The following CHST15 variants were observed in gnomAD, a reference collection of about 807,000 sequenced individuals.
The protein encoded by CHST15 is B cell RAG associated protein (GALNAC4S-6ST).
A neutral mutation model predicts 53.6 loss-of-function variants in CHST15; 30 were observed. That is an observed-to-expected ratio of 0.56 (90% CI 0.42 to 0.76). The LOEUF (loss-of-function observed/expected upper bound fraction) is 0.76, where lower values mean the gene tolerates loss of function less well. Ranked by LOEUF, CHST15 falls within the 30% of genes least tolerant of loss-of-function variation. The probability of loss-of-function intolerance (pLI) is 0.00; values close to 1 mark genes in which losing one functional copy is unlikely to be tolerated. For missense variants in CHST15, 627 were observed against 740.5 expected, an observed-to-expected ratio of 0.85 and a Z score of 1.78; for synonymous variants, 296 against 289.8, an observed-to-expected ratio of 1.02 and a Z score of -0.22.
chr10:124,078,012 C>T (rs937644614), intron 1 of CHST15, among the ~76,000 whole-genome samples: 1 of 152,324 alleles, frequency 6.6e-6, no homozygotes, highest in Non-Finnish European at 1.5e-5. Flanking sequence ...CTACAAGGGG[C>T]AAGGTACAAA....
intron 7 of CHST15, chr10:124,010,957 C>T: frequency 2.6e-5 from 26 of 985,416 alleles, no homozygotes; most frequent in Non-Finnish European, 3.0e-5. Context: ...CTGTCAGTCA[C>T]CCCCACGCCC....
intron 3 of CHST15, 81 bp downstream of exon 3, chr10:124,044,499 C>T (rs1236348218): frequency 4.1e-6 from 5 of 1,220,270 alleles, no homozygotes; most frequent in Non-Finnish European, 5.5e-6. Context: ...CCTCGCCCCC[C>T]AACCCCAGCG....
intron 1 of CHST15, among the ~76,000 whole-genome samples, chr10:124,089,865 A>T (rs1949552859): frequency 1.3e-5 from 2 of 152,148 alleles, no homozygotes; most frequent in Admixed American, 1.3e-4. Context: ...CCGCCAAATC[A>T]TCCCAGAGGC....
Position 124,042,295 on chromosome 10 carries a change from C to T in CHST15, c.1033+6G>A, listed in dbSNP as rs1016295713. On this transcript the variant is annotated splice_donor_region_variant and intron_variant, in intron 4 of 7. Transcript: ENST00000435907. ...TAGCCCTGCCAGAGTGACACAGACGCCTTACCGATAATGATTGTATTCATC... is the reference window on the plus strand; with the variant it reads ...TAGCCCTGCCAGAGTGACACAGACGTCTTACCGATAATGATTGTATTCATC... 2 of 1,606,596 alleles carry T rather than the reference C, an allele frequency of 1.2e-6. No homozygotes were observed. Among genetic ancestry groups the T allele is most frequent in the Non-Finnish European group, 1.7e-6 (2 of 1,173,684 alleles).
At chr10:124,044,326 T>C (rs997909187) in intron 3 of CHST15, among the ~76,000 whole-genome samples, 1 of 152,174 alleles carries the variant, frequency 6.6e-6, no homozygotes, top group Non-Finnish European at 1.5e-5. Flanking sequence ...GTGCCCGGGC[T>C]TTCGGAACAA....
chr10:124,033,178 G>T (rs1947293308), intron 5 of CHST15, among the ~76,000 whole-genome samples: 1 of 152,234 alleles, frequency 6.6e-6, no homozygotes, highest in Admixed American at 6.5e-5. Flanking sequence ...CTTTCTGGCT[G>T]AGATGGGAAA....
At chr10:124,088,832 A>G (rs902887048) in intron 1 of CHST15, among the ~76,000 whole-genome samples, 3 of 152,208 alleles carry the variant, frequency 2.0e-5, no homozygotes, top group African/African-American at 4.8e-5. Context: ...ATGGACACAA[A>G]ACCTTTCTCC....
chr10:124,057,432 T>C (rs1353073178), intron 1 of CHST15, among the ~76,000 whole-genome samples: 1 of 152,112 alleles, frequency 6.6e-6, no homozygotes, highest in East Asian at 1.9e-4. Context: ...AAACACCTAC[T>C]ATGTGCAGGG....
At chr10:124,073,574 C>A (rs1272378000) in intron 1 of CHST15, among the ~76,000 whole-genome samples, 2 of 152,122 alleles carry the variant, frequency 1.3e-5, no homozygotes, top group Admixed American at 6.5e-5. Flanking sequence ...TACTCCAATT[C>A]CTTAAAAGTT....
intron 3 of CHST15, among the ~76,000 whole-genome samples, chr10:124,042,994 A>T (rs2133987015): frequency 6.6e-6 from 1 of 152,302 alleles, no homozygotes; most frequent in South Asian, 2.1e-4. Context: ...TTGTCCAAAC[A>T]GTAAGGGGAA....
At chr10:124,077,234 C>T (rs1057119083) in intron 1 of CHST15, among the ~76,000 whole-genome samples, 37 of 152,210 alleles carry the variant, frequency 2.4e-4, no homozygotes, top group African/African-American at 8.7e-4. Flanking sequence ...TGAGCAGAGA[C>T]CTTTCCTGGG....
At position 124,017,100 on chromosome 10, in the gene CHST15, C is replaced by T. The variant is rs555574711; in HGVS notation, c.1347+4156G>A. Among the ~76,000 whole-genome samples the T allele has an allele frequency of 3.9e-5, 6 of 152,196 alleles. No individual in the cohort carries two copies. In the East Asian group the frequency reaches 7.8e-4, roughly 20 times the overall value. On this transcript the variant is annotated intron_variant, in intron 6 of 7. Transcript: ENST00000435907. Reference sequence around the variant, plus strand: ...AGTGCCCGGTAGCAAGCAGACTGTACGTGCATATTAGATATTAGCTCTTCT... The same window carrying T: ...AGTGCCCGGTAGCAAGCAGACTGTATGTGCATATTAGATATTAGCTCTTCT...
At chr10:124,048,241 C>T (rs951902821) in intron 1 of CHST15, among the ~76,000 whole-genome samples, 1 of 152,208 alleles carries the variant, frequency 6.6e-6, no homozygotes, top group Admixed American at 6.5e-5. Flanking sequence ...TACAGCTGAA[C>T]TTTTCAGGGC....
intron 4 of CHST15, 73 bp from the exon 5 acceptor site, chr10:124,038,744 G>A: frequency 1.3e-6 from 2 of 1,484,532 alleles, no homozygotes; most frequent in Non-Finnish European, 1.9e-6. Flanking sequence ...AGGTGCCAGA[G>A]GCCACACCTG....
chr10:124,047,906 G>A (rs1440997807), intron 1 of CHST15, among the ~76,000 whole-genome samples: 1 of 152,102 alleles, frequency 6.6e-6, no homozygotes, highest in Non-Finnish European at 1.5e-5. Context: ...AATTACCCAA[G>A]AGTGGTAGAC....
At position 124,074,585 on chromosome 10, in the gene CHST15, T is replaced by TCTCTGCCTC. The variant is rs1306774865; in HGVS notation, c.-513+18875_-513+18883dup. Among the ~76,000 whole-genome samples the TCTCTGCCTC allele has an allele frequency of 6.6e-6, 1 of 152,072 alleles. No homozygotes were observed. The highest frequency in any genetic ancestry group is 1.9e-4 in the East Asian group (1 of 5,186). The stretch of plus-strand genomic sequence containing the variant: ...CCCAACACCTTCGCCACGTCTGCAG[T>TCTCTGCCTC]CTCTGCCTCCTCTCCCTCCGCGCAG... On this transcript the variant is annotated intron_variant, in intron 1 of 7. Coordinates refer to ENST00000435907, the MANE Select transcript of CHST15 (RefSeq NM_001270764.2). The surrounding 1 kb of genome is among the most constrained non-coding windows in gnomAD (Gnocchi z 4.4).
chr10:124,013,466 G>T (rs1946482691), intron 6 of CHST15, among the ~76,000 whole-genome samples: 1 of 152,176 alleles, frequency 6.6e-6, no homozygotes, highest in African/African-American at 2.4e-5. Flanking sequence ...CCGCATTTGG[G>T]CCCCTCCTGG....
In CHST15 at chr10:124,009,817, G is replaced by A. The variant is rs1046097356; in HGVS notation, c.*332C>T. On this transcript the variant is annotated 3_prime_UTR_variant, in exon 8 of 8. Coordinates refer to ENST00000435907, the MANE Select transcript of CHST15 (RefSeq NM_001270764.2). ...CTCTCCAGAAGGCGGAGGCGGGCAG[G>A]GCCAGGCTGCCTTCCCTAGGTGTTC... 3.7e-6 allele frequency: 4 copies of A among 1,095,436 alleles called. No homozygotes were observed. Among genetic ancestry groups the A allele is most frequent in the African/African-American group, 3.4e-5 (2 of 59,494 alleles). 67.9% of individuals were successfully genotyped at this position (1,095,436 alleles called of 1,614,324 possible).
At chr10:124,037,315 C>T (rs1425076729) in intron 5 of CHST15, among the ~76,000 whole-genome samples, 2 of 152,174 alleles carry the variant, frequency 1.3e-5, no homozygotes, top group Non-Finnish European at 2.9e-5. Flanking sequence ...GAAAATAAGA[C>T]ACAAAGGGCT....
Sources: allele counts gnomAD v4.1 joint callset (sites outside exome capture counted in the v4.1 genomes callset), GRCh38; gene constraint gnomAD v4.1.1; non-coding constraint Gnocchi (gnomAD v3.1); transcripts MANE v1.5; gene names NCBI Gene and HGNC (gene_info 2026-07-23, HGNC 2026-07-21).